Variants in BRINP3 observed in about 807,000 individuals in gnomAD.
BRINP3 encodes the protein BMP/retinoic acid-inducible neural-specific protein 3.
BRINP3 carries 19 observed loss-of-function variants against 71.0 expected under a neutral mutation model. The ratio of observed to expected loss-of-function variants is 0.27; its 90% confidence interval spans 0.19 to 0.39. The LOEUF (loss-of-function observed/expected upper bound fraction) is 0.39. Ranked by LOEUF, BRINP3 falls within the 10% of genes least tolerant of loss-of-function variation. The pLI, the probability that BRINP3 is intolerant of heterozygous loss-of-function variation, is 1.00. For missense variants in BRINP3, 959 were observed against 940.8 expected, an observed-to-expected ratio of 1.02 and a Z score of -0.25; for synonymous variants, 380 against 337.7, an observed-to-expected ratio of 1.13 and a Z score of -1.37.
chr1:190,302,930 T>G (rs1248138407), intron 2 of BRINP3: 1 of 151,802 alleles, frequency 6.6e-6, no homozygotes, highest in Non-Finnish European at 1.5e-5. Context: ...TAATAATCTT[T>G]AAAGTATAGA....
intron 2 of BRINP3, among the ~76,000 whole-genome samples, chr1:190,383,215 T>C (rs1670663903): frequency 6.6e-6 from 1 of 152,146 alleles, no homozygotes; most frequent in Non-Finnish European, 1.5e-5. Context: ...AGCCATTAGA[T>C]TCAGAAGAAC....
rs144952455 is a variant in BRINP3, at chr1:190,281,661, C to A, written c.326G>T (p.Arg109Leu). 2 of 1,612,870 alleles carry A rather than the reference C, an allele frequency of 1.2e-6. No homozygotes were observed. Among genetic ancestry groups the A allele is most frequent in the Non-Finnish European group, 1.7e-6 (2 of 1,179,324 alleles). ...TCGACGTCCCAAAAGTCTTATGTTG[C>A]GGAAGAATTCAGGGGCAAGAGGCAG... is the stretch of plus-strand genomic sequence containing the variant. The part of the protein sequence containing the change: ...SPLPLAPEFF[R>L]NIRLLGRRPT... The change falls in exon 3 of 8, where the codon CGC becomes CTC. Residue 109 changes from arginine to leucine, a missense_variant. Arg to Leu is a moderately radical substitution (Grantham distance 102). Coordinates refer to ENST00000367462, the MANE Select transcript of BRINP3 (RefSeq NM_199051.3).
intron 6 of BRINP3, among the ~76,000 whole-genome samples, chr1:190,223,188 A>G (rs1293619280): frequency 6.6e-6 from 1 of 151,968 alleles, no homozygotes; most frequent in Non-Finnish European, 1.5e-5. Context: ...CATTACCCTG[A>G]TACTAAAACC....
chr1:190,337,788 C>G (rs1558193870), intron 2 of BRINP3, among the ~76,000 whole-genome samples: 1 of 152,052 alleles, frequency 6.6e-6, no homozygotes, highest in Non-Finnish European at 1.5e-5. Context: ...TACACCTATC[C>G]TATTAGTCCT....
At chr1:190,277,087 T>TTTTATATA (rs1290283215) in intron 3 of BRINP3, among the ~76,000 whole-genome samples, 8 of 36,006 alleles carry the variant, frequency 2.2e-4, no homozygotes, top group Admixed American at 5.1e-4. Context: ...AATTTTGGTT[T>TTTTATATA]TATATATATA....
chr1:190,437,387 G>A (rs1674533821), intron 2 of BRINP3, among the ~76,000 whole-genome samples: 1 of 151,698 alleles, frequency 6.6e-6, no homozygotes, highest in South Asian at 2.1e-4. Context: ...TTCTTGCCTA[G>A]GAAGGTAAGT....
At chr1:190,229,241 A>C (rs1290125828) in intron 5 of BRINP3, among the ~76,000 whole-genome samples, 1 of 151,896 alleles carries the variant, frequency 6.6e-6, no homozygotes, top group Non-Finnish European at 1.5e-5. Context: ...ACCCAGTGGG[A>C]GGTAATAGAA....
At chr1:190,313,308 T>C (rs1423821853) in intron 2 of BRINP3, among the ~76,000 whole-genome samples, 3 of 151,866 alleles carry the variant, frequency 2.0e-5, no homozygotes, top group Non-Finnish European at 2.9e-5. Context: ...ATGTATATCA[T>C]GTTAATAGGA....
At chr1:190,220,531 A>G (rs934182105) in intron 6 of BRINP3, among the ~76,000 whole-genome samples, 1 of 152,146 alleles carries the variant, frequency 6.6e-6, no homozygotes. Flanking sequence ...CGCAGAACTT[A>G]AAGTATAATT....
intron 5 of BRINP3, among the ~76,000 whole-genome samples, chr1:190,228,323 A>G (rs1657599450): frequency 6.6e-6 from 1 of 152,046 alleles, no homozygotes; most frequent in East Asian, 1.9e-4. Context: ...CTAAGGTAAC[A>G]GTAATTGAGT....
chr1:190,259,184 G>A (rs923698806), intron 4 of BRINP3, among the ~76,000 whole-genome samples: 2 of 151,266 alleles, frequency 1.3e-5, no homozygotes, highest in African/African-American at 4.9e-5. Context: ...CCAGACAGAT[G>A]TATCTCAGGA....
At chr1:190,408,452 TTTA>T (rs1229891699) in intron 2 of BRINP3, among the ~76,000 whole-genome samples, 4 of 152,142 alleles carry the variant, frequency 2.6e-5, no homozygotes, top group Non-Finnish European at 1.5e-5. Context: ...TACAAAACAT[TTTA>T]TTGTTGTTGT....
intron 6 of BRINP3, among the ~76,000 whole-genome samples, chr1:190,163,081 T>C (rs930093221): frequency 1.3e-5 from 2 of 152,158 alleles, no homozygotes; most frequent in Admixed American, 6.5e-5. Flanking sequence ...GAAATATTCC[T>C]GTGGATATCT....
intron 6 of BRINP3, among the ~76,000 whole-genome samples, chr1:190,206,339 A>G (rs1655496720): frequency 6.6e-6 from 1 of 152,074 alleles, no homozygotes; most frequent in Middle Eastern, 3.2e-3. Flanking sequence ...AAATAAATAA[A>G]TAAATGTCAA....
chr1:190,330,140 C>T (rs568260727), intron 2 of BRINP3, among the ~76,000 whole-genome samples: 4 of 151,918 alleles, frequency 2.6e-5, no homozygotes, highest in African/African-American at 7.2e-5. Context: ...CAAGTAGGAC[C>T]TATTAAAACA....
chr1:190,458,617 T>C (rs1359878272), intron 1 of BRINP3, among the ~76,000 whole-genome samples: 1 of 152,054 alleles, frequency 6.6e-6, no homozygotes, highest in Non-Finnish European at 1.5e-5. Context: ...TATAACCATA[T>C]TAATCCATGT....
chr1:190,423,507 C>T (rs756303037), intron 2 of BRINP3, among the ~76,000 whole-genome samples: 5 of 151,726 alleles, frequency 3.3e-5, no homozygotes, highest in Non-Finnish European at 5.9e-5. Flanking sequence ...AATACTATGG[C>T]ACTGGCAGCA....
chr1:190,100,803 C>T (rs1459415845), intron 7 of BRINP3, among the ~76,000 whole-genome samples: 1 of 152,138 alleles, frequency 6.6e-6, no homozygotes, highest in Non-Finnish European at 1.5e-5. Flanking sequence ...CTGAAAATCA[C>T]TGATTGAAAT....
At chr1:190,423,338 G>A (rs376038488) in intron 2 of BRINP3, among the ~76,000 whole-genome samples, 7 of 151,692 alleles carry the variant, frequency 4.6e-5, no homozygotes, top group African/African-American at 1.7e-4. Flanking sequence ...ACACATTTTA[G>A]TATTTAGGAA....
Sources: allele counts gnomAD v4.1 joint callset (sites outside exome capture counted in the v4.1 genomes callset), GRCh38; gene constraint gnomAD v4.1.1; transcripts MANE v1.5; gene names NCBI Gene and HGNC (gene_info 2026-07-23, HGNC 2026-07-21).